TNRC18: variants seen among roughly 807,000 people sequenced by gnomAD.
TNRC18 encodes the protein trinucleotide repeat containing 18, also known as trinucleotide repeat-containing gene 18 protein.
TNRC18 carries 69 observed loss-of-function variants against 226.7 expected under a neutral mutation model. That is an observed-to-expected ratio of 0.30 (90% CI 0.25 to 0.37). The LOEUF is 0.37. Ranked by LOEUF, TNRC18 falls within the 10% of genes least tolerant of loss-of-function variation. The pLI, the probability that TNRC18 is intolerant of heterozygous loss-of-function variation, is 1.00. For missense variants in TNRC18, 4,754 were observed against 4,256.6 expected (o/e 1.12, Z -3.25); for synonymous variants, 2,449 against 1,927.6 (o/e 1.27, Z -7.09).
intron 2 of TNRC18, among the ~76,000 whole-genome samples, chr7:5,396,789 T>C (rs939032432): frequency 1.3e-5 from 2 of 152,070 alleles, no homozygotes; most frequent in Non-Finnish European, 2.9e-5. Flanking sequence ...TTGCAGGAGA[T>C]GTGGGCTCCT....
At chr7:5,392,150 G>C (rs945500305) in intron 3 of TNRC18, among the ~76,000 whole-genome samples, 2 of 152,056 alleles carry the variant, frequency 1.3e-5, no homozygotes, top group African/African-American at 4.8e-5. Context: ...CCCGATACCT[G>C]TTCTCTCATC....
chr7:5,393,617 A>AGGAGGAAGGAGGG (rs1780456069), intron 3 of TNRC18, among the ~76,000 whole-genome samples: 1 of 151,870 alleles, frequency 6.6e-6, no homozygotes, highest in Non-Finnish European at 1.5e-5. Context: ...TGGGAGGAGG[A>AGGAGGAAGGAGGG]AGGAGGAAGG....
Position 5,309,077 on chromosome 7 carries a change from C to T in TNRC18, c.8625+55G>A. 1 of 1,528,750 alleles carries T rather than the reference C, an allele frequency of 6.5e-7. No homozygotes were observed. Among genetic ancestry groups the T allele is most frequent in the Non-Finnish European group, 8.9e-7 (1 of 1,126,156 alleles). 94.7% of individuals were successfully genotyped at this position (1,528,750 alleles called of 1,614,324 possible). Reference sequence around the variant, plus strand: ...TCCAGCACCCAGAACGCCTCGCCCTCAGGTCTGCCCTACACCGCCTAGGAC... The same window carrying T: ...TCCAGCACCCAGAACGCCTCGCCCTTAGGTCTGCCCTACACCGCCTAGGAC... On this transcript the variant is annotated intron_variant, in intron 28 of 29. Coordinates refer to ENST00000430969, the MANE Select transcript of TNRC18 (RefSeq NM_001080495.3). This position sits in a 1 kb window ranked among gnomAD's most constrained non-coding sequence, Gnocchi z 5.7.
chr7:5,316,352 T>A (rs565952819), intron 24 of TNRC18, among the ~76,000 whole-genome samples: 1 of 143,642 alleles, frequency 7.0e-6, no homozygotes, highest in Non-Finnish European at 1.5e-5. Context: ...TGATCTTGGC[T>A]CGCCGCAACC....
chr7:5,342,754 G>C (rs1362094197), intron 18 of TNRC18, among the ~76,000 whole-genome samples: 1 of 152,232 alleles, frequency 6.6e-6, no homozygotes, highest in African/African-American at 2.4e-5. Flanking sequence ...AGCAGGGTTT[G>C]AGAGGACTGC....
At chr7:5,333,633 C>T (rs184433103) in intron 18 of TNRC18, among the ~76,000 whole-genome samples, 3 of 152,256 alleles carry the variant, frequency 2.0e-5, no homozygotes, top group South Asian at 2.1e-4. Flanking sequence ...TCCCAGCTCC[C>T]GGGCTGCTTG....
intron 2 of TNRC18, among the ~76,000 whole-genome samples, chr7:5,398,943 T>C (rs1206767073): frequency 6.6e-6 from 1 of 152,158 alleles, no homozygotes; most frequent in Non-Finnish European, 1.5e-5. Context: ...ATTTCCAATG[T>C]TCCCAGGGCC....
At chr7:5,356,813 A>G (rs1792457051) in intron 16 of TNRC18, 103 bp downstream of exon 16, 3 of 1,334,122 alleles carry the variant, frequency 2.2e-6, no homozygotes, top group East Asian at 2.6e-5. Context: ...AGCGAGAGCG[A>G]GAGAGAGAGT....
At chr7:5,363,727 C>T (rs777807579) in intron 11 of TNRC18, among the ~76,000 whole-genome samples, 165 of 152,126 alleles carry the variant, frequency 1.1e-3, no homozygotes, top group Non-Finnish European at 1.7e-3. Flanking sequence ...CTCCAAAGAC[C>T]GAAGGGTTCT....
Position 5,376,166 on chromosome 7 carries a change from G to A in TNRC18, c.2667C>T (p.Gly889=). The change falls in exon 9 of 30, where the codon GGC becomes GGT. Residue 889 remains glycine (G), a synonymous_variant. Transcript: ENST00000430969. ...GCTGGGCGTGGTGCAGGGGGCTGCG[G>A]CCCGGCGGGTACAGGGCGGGCCAGA... is the stretch of plus-strand genomic sequence containing the variant. ...PPLWPALYPP[G]RSPLHHAQQL... is the part of the protein sequence containing the mutation. The A allele has an allele frequency of 6.4e-7, 1 of 1,573,906 alleles. No individual in the cohort carries two copies. Among genetic ancestry groups the A allele is most frequent in the South Asian group, 1.2e-5 (1 of 85,720 alleles).
At chr7:5,332,564 C>A in intron 19 of TNRC18, 58 bp downstream of exon 19, 1 of 1,468,508 alleles carries the variant, frequency 6.8e-7, no homozygotes, top group Non-Finnish European at 9.0e-7. Flanking sequence ...GAGAGGGCCC[C>A]TCCCTCACGG....
chr7:5,396,520 C>A (rs1426260247), intron 2 of TNRC18, among the ~76,000 whole-genome samples: 3 of 152,102 alleles, frequency 2.0e-5, no homozygotes. Flanking sequence ...CAGAACAAGA[C>A]CTGGACTCAA....
At chr7:5,365,860 A>G (rs927614951) in intron 11 of TNRC18, among the ~76,000 whole-genome samples, 12 of 152,072 alleles carry the variant, frequency 7.9e-5, no homozygotes, top group African/African-American at 2.9e-4. Flanking sequence ...ACCTGAGGTC[A>G]GGAGTTCGAG....
intron 18 of TNRC18, among the ~76,000 whole-genome samples, chr7:5,335,940 C>T (rs1790060198): frequency 6.6e-6 from 1 of 151,456 alleles, no homozygotes; most frequent in South Asian, 2.1e-4. Context: ...TTCACAGTGG[C>T]TCACACCTAT....
chr7:5,420,604 G>A (rs746647031), intron 2 of TNRC18: 52 of 456,104 alleles, frequency 1.1e-4, no homozygotes, highest in Admixed American at 6.8e-4. Flanking sequence ...CCGGCTCGGC[G>A]CGAGTGGTGG....
Position 5,377,545 on chromosome 7 carries a change from G to T in TNRC18, c.2287C>A (p.Leu763Met), listed in dbSNP as rs1779077412. ...ESKELADLAR[L>M]HPTSCAPNGL... ...TTAGGAGCACAGCTGGTAGGGTGCA[G>T]GCGGGCCAGGTCAGCCAGCTCCTTA... The change falls in exon 7 of 30, where the codon CTG becomes ATG. Residue 763 changes from leucine to methionine, a missense_variant. Leu to Met is a conservative substitution (Grantham distance 15, BLOSUM62 2). Coordinates refer to ENST00000430969, the MANE Select transcript of TNRC18 (RefSeq NM_001080495.3). The surrounding 1 kb of genome is among the most constrained non-coding windows in gnomAD (Gnocchi z 5.8). 1 of 1,588,684 alleles carries T rather than the reference G, an allele frequency of 6.3e-7. No individual in the cohort carries two copies. Among genetic ancestry groups the T allele is most frequent in the Non-Finnish European group, 8.6e-7 (1 of 1,167,976 alleles).
chr7:5,361,774 G>A (rs1479819608), intron 13 of TNRC18, 52 bp from the exon 14 acceptor site: 56 of 1,544,198 alleles, frequency 3.6e-5, no homozygotes, highest in East Asian at 2.0e-4. Flanking sequence ...GGCGGGGCGC[G>A]GAGAACGGGC....
chr7:5,406,944 C>CA, intron 2 of TNRC18, among the ~76,000 whole-genome samples: 1 of 152,184 alleles, frequency 6.6e-6, no homozygotes, highest in African/African-American at 2.4e-5. Context: ...TCAACACCCC[C>CA]ACCTCCCTGC....
rs1296018965 is a variant in TNRC18, at chr7:5,307,377, T to C, written c.*729A>G. On this transcript the variant is annotated 3_prime_UTR_variant, in exon 30 of 30. Transcript: ENST00000430969. ...CAATAAAACTGTACAGGTTAAGAAG[T>C]GCCACCTCCCTCCTGGGTGGGGAGG... The C allele has an allele frequency of 7.1e-6, 2 of 282,486 alleles. No homozygotes were observed. Among genetic ancestry groups the C allele is most frequent in the East Asian group, 1.4e-4 (1 of 7,390 alleles). 17.5% of individuals were successfully genotyped at this position (282,486 alleles called of 1,614,324 possible).
Sources: allele counts gnomAD v4.1 joint callset (sites outside exome capture counted in the v4.1 genomes callset), GRCh38; gene constraint gnomAD v4.1.1; non-coding constraint Gnocchi (gnomAD v3.1); transcripts MANE v1.5; gene names NCBI Gene and HGNC (gene_info 2026-07-23, HGNC 2026-07-21).